The following AFG2A variants were observed in gnomAD, a reference collection of about 807,000 sequenced individuals.
The protein encoded by AFG2A is AAA ATPase AFG2A, also known as ATPase family gene 2 protein homolog A.
At chr4:123,049,632 A>G in the AFG2A span, among the ~76,000 whole-genome samples, 1 of 152,096 alleles carries the variant, frequency 6.6e-6, no homozygotes, top group African/African-American at 2.4e-5. Context: ...GTTGTTCATA[A>G]TAGTTTCTAA....
At chr4:123,092,584 G>C in the AFG2A span, among the ~76,000 whole-genome samples, 1,642 of 152,226 alleles carry the variant, frequency 0.011, 35 homozygotes, top group South Asian at 0.096. Flanking sequence ...TAGCAGCTTC[G>C]CACCCATTTG....
the AFG2A span, among the ~76,000 whole-genome samples, chr4:123,077,469 T>A: frequency 6.6e-6 from 1 of 152,144 alleles, no homozygotes; most frequent in Non-Finnish European, 1.5e-5. Context: ...CACAGTTGCA[T>A]GGATACTGGC....
the AFG2A span, among the ~76,000 whole-genome samples, chr4:122,971,174 A>G: frequency 2.6e-5 from 4 of 152,216 alleles, no homozygotes; most frequent in African/African-American, 9.6e-5. Flanking sequence ...TGGGAGGCCA[A>G]GGTGGGAGGA....
the AFG2A span, among the ~76,000 whole-genome samples, chr4:123,295,658 G>A: frequency 1.5e-4 from 23 of 152,360 alleles, no homozygotes; most frequent in African/African-American, 5.5e-4. Context: ...AGGAGTCTGA[G>A]AAAGTTGAGA....
the AFG2A span, among the ~76,000 whole-genome samples, chr4:123,067,986 C>G: frequency 0.81 from 123,525 of 152,144 alleles, 51,922 homozygotes; most frequent in East Asian, 0.97. Flanking sequence ...ATCTGTGGTC[C>G]TATATGTCTT....
chr4:123,174,819 T>TTAAA, the AFG2A span, among the ~76,000 whole-genome samples: 8 of 143,234 alleles, frequency 5.6e-5, no homozygotes, highest in Non-Finnish European at 1.2e-4. Context: ...TGATCTTTTT[T>TTAAA]AAAAAAAATA....
chr4:123,055,549 G>C, the AFG2A span, among the ~76,000 whole-genome samples: 4 of 152,134 alleles, frequency 2.6e-5, no homozygotes, highest in South Asian at 4.2e-4. Flanking sequence ...CAGTCAGTCA[G>C]ATTTTTAAAA....
chr4:122,942,470 G>A, the AFG2A span, among the ~76,000 whole-genome samples: 1 of 150,010 alleles, frequency 6.7e-6, no homozygotes. Flanking sequence ...CTGTGGGATC[G>A]GTGCTGATAT....
the AFG2A span, among the ~76,000 whole-genome samples, chr4:123,079,143 T>G: frequency 6.6e-6 from 1 of 152,238 alleles, no homozygotes. Context: ...GCCTGCCAGC[T>G]AGTGTTTATT....
At chr4:123,074,296 T>C in the AFG2A span, among the ~76,000 whole-genome samples, 1 of 152,100 alleles carries the variant, frequency 6.6e-6, no homozygotes, top group South Asian at 2.1e-4. Context: ...GAGTTTCAGC[T>C]GTTGGCCAGG....
the AFG2A span, among the ~76,000 whole-genome samples, chr4:122,952,143 A>G: frequency 3.9e-5 from 6 of 152,150 alleles, no homozygotes; most frequent in Non-Finnish European, 8.8e-5. Context: ...GGCATAATGT[A>G]TAGCACAGAG....
the AFG2A span, among the ~76,000 whole-genome samples, chr4:123,250,163 T>G: frequency 6.6e-6 from 1 of 152,140 alleles, no homozygotes; most frequent in Non-Finnish European, 1.5e-5. Context: ...GTTAATGAAA[T>G]TAGATTTGAG....
chr4:123,029,886 C>T, the AFG2A span, among the ~76,000 whole-genome samples: 1 of 152,156 alleles, frequency 6.6e-6, no homozygotes, highest in East Asian at 1.9e-4. Context: ...AGCCCTCCCA[C>T]CTTACCCTCC....
the AFG2A span, among the ~76,000 whole-genome samples, chr4:123,189,220 A>C: frequency 0.46 from 70,042 of 152,054 alleles, 19,916 homozygotes; most frequent in Non-Finnish European, 0.61. Flanking sequence ...TGCTCTGCGG[A>C]ATTCTCTCTT....
At chr4:123,196,167 A>AT in the AFG2A span, among the ~76,000 whole-genome samples, 28,804 of 79,240 alleles carry the variant, frequency 0.36, 6,196 homozygotes, top group African/African-American at 0.55. Flanking sequence ...TGCCCAGCTA[A>AT]TTTTTTTTTT....
At chr4:123,237,459 G>A in the AFG2A span, among the ~76,000 whole-genome samples, 3 of 151,998 alleles carry the variant, frequency 2.0e-5, no homozygotes, top group African/African-American at 4.8e-5. Context: ...CGCCACTTGA[G>A]GCCAGGAGTT....
chr4:123,283,418 G>C, the AFG2A span, among the ~76,000 whole-genome samples: 1 of 151,902 alleles, frequency 6.6e-6, no homozygotes, highest in Non-Finnish European at 1.5e-5. Flanking sequence ...AGAATCTGCT[G>C]TATGTTCCAA....
the AFG2A span, among the ~76,000 whole-genome samples, chr4:123,143,487 A>G: frequency 9.9e-5 from 15 of 152,148 alleles, no homozygotes; most frequent in East Asian, 2.3e-3. Context: ...TGGTTGATGT[A>G]TATATGGCTC....
At chr4:123,232,395 C>T in the AFG2A span, among the ~76,000 whole-genome samples, 5 of 152,040 alleles carry the variant, frequency 3.3e-5, no homozygotes, top group East Asian at 9.6e-4. Context: ...AAGCCAAAAG[C>T]GAAGTGTGTT....
Sources: allele counts gnomAD v4.1 joint callset (sites outside exome capture counted in the v4.1 genomes callset), GRCh38; gene constraint gnomAD v4.1.1; transcripts MANE v1.5; gene names NCBI Gene and HGNC (gene_info 2026-07-23, HGNC 2026-07-21).